The following GRM1 variants were observed in gnomAD, a reference collection of about 807,000 sequenced individuals.
The protein encoded by GRM1 is glutamate metabotropic receptor 1.
In GRM1, 33 loss-of-function variants were observed where a neutral mutation model predicts 90.9. The ratio of observed to expected loss-of-function variants is 0.36; its 90% confidence interval spans 0.28 to 0.49. The LOEUF (loss-of-function observed/expected upper bound fraction) is 0.49, where lower values mean the gene tolerates loss of function less well. Ranked by LOEUF, GRM1 falls within the 20% of genes least tolerant of loss-of-function variation. The pLI is 0.99. For synonymous variants in GRM1, 700 were observed against 613.2 expected (o/e 1.14, Z -2.09); for missense variants, 1,190 against 1,534.3 (o/e 0.78, Z 3.75).
intron 2 of GRM1, among the ~76,000 whole-genome samples, chr6:146,221,819 A>G (rs762078142): frequency 5.9e-5 from 9 of 152,158 alleles, no homozygotes; most frequent in African/African-American, 2.2e-4. Flanking sequence ...ACAGCCATAA[A>G]CCATTTGTAT....
chr6:146,153,252 T>G (rs776575325), intron 1 of GRM1, among the ~76,000 whole-genome samples: 18 of 152,218 alleles, frequency 1.2e-4, no homozygotes, highest in Non-Finnish European at 2.1e-4. Context: ...ATTAGTTCTG[T>G]TTTTAGTAAA....
At chr6:146,065,392 C>T (rs1775811803) in intron 1 of GRM1, among the ~76,000 whole-genome samples, 1 of 152,150 alleles carries the variant, frequency 6.6e-6, no homozygotes, top group African/African-American at 2.4e-5. Context: ...TGGTCCAAAT[C>T]CTGACCCTGC....
chr6:146,233,477 A>G (rs947400973), intron 2 of GRM1, among the ~76,000 whole-genome samples: 2 of 152,106 alleles, frequency 1.3e-5, no homozygotes, highest in Admixed American at 6.6e-5. Flanking sequence ...CATATGTCCT[A>G]TTAATTTTGG....
chr6:146,046,834 T>G (rs1655708170), intron 1 of GRM1, among the ~76,000 whole-genome samples: 1 of 151,964 alleles, frequency 6.6e-6, no homozygotes, highest in Admixed American at 6.6e-5. Context: ...GATGGAGGGC[T>G]AGAGAAAGGA....
chr6:146,236,327 T>C (rs1780644049), intron 2 of GRM1, among the ~76,000 whole-genome samples: 1 of 152,176 alleles, frequency 6.6e-6, no homozygotes, highest in Non-Finnish European at 1.5e-5. Context: ...GTATTTTCTG[T>C]TTTAGAATGG....
chr6:146,280,922 C>A (rs1782543697), intron 2 of GRM1, among the ~76,000 whole-genome samples: 1 of 152,090 alleles, frequency 6.6e-6, no homozygotes, highest in Admixed American at 6.6e-5. Flanking sequence ...AGCCACCACA[C>A]CCAAGTAGCA....
chr6:146,260,476 T>C (rs1380328515), intron 2 of GRM1, among the ~76,000 whole-genome samples: 2 of 152,110 alleles, frequency 1.3e-5, no homozygotes, highest in African/African-American at 2.4e-5. Flanking sequence ...GTGCATGTGT[T>C]TTATAGTAGA....
intron 1 of GRM1, among the ~76,000 whole-genome samples, chr6:146,115,468 T>G (rs1242961825): frequency 2.0e-5 from 3 of 152,176 alleles, no homozygotes; most frequent in African/African-American, 4.8e-5. Context: ...TTATTCAATA[T>G]TTCTTGATTA....
chr6:146,128,678 A>G (rs1048161486), intron 1 of GRM1, among the ~76,000 whole-genome samples: 3 of 152,298 alleles, frequency 2.0e-5, no homozygotes, highest in African/African-American at 7.2e-5. Context: ...CAGAAATATT[A>G]ATATTTTAGA....
rs56956724 is a variant in GRM1 at position 146,260,804 on chromosome 6, G to GTTTTTTTTTTTTTTTTTTT, written c.951-43792_951-43774dup. Among the ~76,000 whole-genome samples, 9 of 22,740 alleles carry GTTTTTTTTTTTTTTTTTTT rather than the reference G, an allele frequency of 4.0e-4. 1 individual carries two copies. The highest frequency in any genetic ancestry group is 1.5e-3 in the African/African-American group (9 of 5,916). 14.9% of individuals were successfully genotyped at this position (22,740 alleles called of 152,430 possible). On this transcript the variant is annotated intron_variant, in intron 2 of 7. Coordinates refer to ENST00000282753, the MANE Select transcript of GRM1 (RefSeq NM_001278064.2). ...CCCATTTTTTAATTAGGTTATTTGG[G>GTTTTTTTTTTTTTTTTTTT]TTTTTTTTTTTTTTTTTTTTTTTTT...
chr6:146,304,441 A>G (rs1783503397), intron 2 of GRM1, among the ~76,000 whole-genome samples, 170 bp from the exon 3 acceptor site: 1 of 152,204 alleles, frequency 6.6e-6, no homozygotes, highest in African/African-American at 2.4e-5. Flanking sequence ...ACAGGATATT[A>G]TGCTTTCAAA....
chr6:146,103,735 GATTC>G, intron 1 of GRM1, among the ~76,000 whole-genome samples: 1 of 152,294 alleles, frequency 6.6e-6, no homozygotes, highest in Admixed American at 6.5e-5. Flanking sequence ...CAAGTAAACA[GATTC>G]ATTCATCCTG....
At chr6:146,284,553 A>G (rs917418539) in intron 2 of GRM1, among the ~76,000 whole-genome samples, 9 of 152,158 alleles carry the variant, frequency 5.9e-5, no homozygotes, top group Non-Finnish European at 1.3e-4. Flanking sequence ...TGGTATTGTA[A>G]TCCCCATGTG....
intron 6 of GRM1, among the ~76,000 whole-genome samples, chr6:146,388,489 T>C (rs553199766): frequency 2.0e-5 from 3 of 152,244 alleles, no homozygotes; most frequent in East Asian, 1.9e-4. Context: ...ACTAAAATTA[T>C]ACTAAGTGAC....
chr6:146,134,965 TG>T lies in GRM1; in HGVS notation c.701-24377del, dbSNP rs564755607. Among the ~76,000 whole-genome samples the T allele has an allele frequency of 1.3e-3, 205 of 151,998 alleles. 1 individual carries two copies. The highest frequency in any genetic ancestry group is 4.8e-3 in the African/African-American group (198 of 41,488). The stretch of plus-strand genomic sequence containing the variant: ...ACAAAACAAAACAAAAAGAACAGCA[TG>T]GGGGGACCACCCCCATAGTCTAATC... On this transcript the variant is annotated intron_variant, in intron 1 of 7. Transcript: ENST00000282753.
intron 4 of GRM1, among the ~76,000 whole-genome samples, chr6:146,354,639 T>A (rs1166418850): frequency 6.6e-6 from 1 of 152,178 alleles, no homozygotes; most frequent in Non-Finnish European, 1.5e-5. Context: ...TTCAAAAATC[T>A]CCCTGTACTT....
chr6:146,392,085 C>G (rs1776744057), intron 6 of GRM1, among the ~76,000 whole-genome samples: 2 of 152,150 alleles, frequency 1.3e-5, no homozygotes, highest in Admixed American at 6.6e-5. Flanking sequence ...ATTAGGGGAA[C>G]TTGGATTTAC....
At chr6:146,355,870 T>C (rs146487569) in intron 4 of GRM1, among the ~76,000 whole-genome samples, 2 of 152,186 alleles carry the variant, frequency 1.3e-5, no homozygotes, top group Admixed American at 6.5e-5. Flanking sequence ...AAGAAGAGTA[T>C]GTGTTGATTA....
chr6:146,030,052 G>A lies in GRM1; in HGVS notation c.535G>A (p.Asp179Asn), dbSNP rs1196671438. The A allele has an allele frequency of 3.7e-6, 6 of 1,613,986 alleles. No individual in the cohort carries two copies. The highest frequency in any genetic ancestry group is 3.4e-6 in the Non-Finnish European group (4 of 1,180,036). The change falls in exon 1 of 8, where the codon GAC becomes AAC. Residue 179 changes from aspartate (D) to asparagine (N), a missense_variant. Around this residue, in one of 10 missense-constraint regions of GRM1, gnomAD observed 46 missense variants for 116.1 expected, o/e 0.40. Transcript: ENST00000282753. The stretch of plus-strand genomic sequence containing the variant: ...AGTGCAGAACCTGCTCCAGCTCTTC[G>A]ACATCCCCCAGATCGCTTATTCAGC... Reference protein sequence around the residue: ...IQVQNLLQLFDIPQIAYSATS... With the variant: ...IQVQNLLQLFNIPQIAYSATS...
Sources: allele counts gnomAD v4.1 joint callset (sites outside exome capture counted in the v4.1 genomes callset), GRCh38; gene constraint gnomAD v4.1.1; regional missense constraint gnomAD v4.1.1; transcripts MANE v1.5; gene names NCBI Gene and HGNC (gene_info 2026-07-23, HGNC 2026-07-21).